EVI5: variants seen among roughly 807,000 people sequenced by gnomAD.
The protein encoded by EVI5 is ecotropic viral integration site 5.
Under a neutral mutation model 112.0 loss-of-function variants are expected in EVI5, and 73 were observed. That is an observed-to-expected ratio of 0.65 (90% CI 0.54 to 0.79). EVI5 has a LOEUF of 0.79. Ranked by LOEUF, EVI5 falls within the 30% of genes least tolerant of loss-of-function variation. The probability of loss-of-function intolerance (pLI) is 0.00; values close to 1 mark genes in which losing one functional copy is unlikely to be tolerated. For synonymous variants in EVI5, 305 were observed against 319.9 expected, an observed-to-expected ratio of 0.95 and a Z score of 0.50; for missense variants, 900 against 968.8, an observed-to-expected ratio of 0.93 and a Z score of 0.94.
At chr1:92,666,035 G>T in intron 10 of EVI5, 43 bp from the exon 11 acceptor site, 1 of 1,270,010 alleles carries the variant, frequency 7.9e-7, no homozygotes, top group Non-Finnish European at 1.1e-6. Flanking sequence ...ATTTTTGAGA[G>T]GAAAAAAAAG....
At chr1:92,661,888 A>T (rs1318377405) in intron 13 of EVI5, among the ~76,000 whole-genome samples, 1 of 152,186 alleles carries the variant, frequency 6.6e-6, no homozygotes, top group African/African-American at 2.4e-5. Flanking sequence ...TCTTCTGCTT[A>T]CTTATTACAA....
At chr1:92,725,501 A>G (rs1245971960) in intron 2 of EVI5, among the ~76,000 whole-genome samples, 1 of 152,168 alleles carries the variant, frequency 6.6e-6, no homozygotes, top group African/African-American at 2.4e-5. Flanking sequence ...CAGGTATTCA[A>G]TAAAAAATTA....
intron 1 of EVI5, 53 bp from the exon 2 acceptor site, chr1:92,736,680 C>A: frequency 9.0e-7 from 1 of 1,112,222 alleles, no homozygotes; most frequent in Non-Finnish European, 1.4e-6. Flanking sequence ...TATTCATTAC[C>A]GAGAACTTAA....
At chr1:92,781,203 T>C (rs1045374682) in intron 1 of EVI5, among the ~76,000 whole-genome samples, 41 of 152,094 alleles carry the variant, frequency 2.7e-4, no homozygotes, top group African/African-American at 9.9e-4. Flanking sequence ...CTAAATTATA[T>C]ACCTTAAATG....
chr1:92,756,785 G>A, intron 1 of EVI5: 7 of 514,324 alleles, frequency 1.4e-5, no homozygotes, highest in South Asian at 8.7e-5. Context: ...CTACAGATGT[G>A]TCCTCCTGGC....
intron 2 of EVI5, among the ~76,000 whole-genome samples, chr1:92,723,353 C>A (rs1476009523): frequency 6.6e-6 from 1 of 152,070 alleles, no homozygotes; most frequent in East Asian, 1.9e-4. Context: ...AGTCAGGGAC[C>A]CTGAACGGAG....
chr1:92,728,148 TAAAG>T (rs1320292511), intron 2 of EVI5, among the ~76,000 whole-genome samples: 2 of 151,982 alleles, frequency 1.3e-5, no homozygotes, highest in African/African-American at 4.8e-5. Context: ...TTACCAAAGA[TAAAG>T]AAGGTCATTT....
upstream of EVI5, among the ~76,000 whole-genome samples, chr1:92,787,547 T>C (rs941947116): frequency 2.8e-5 from 4 of 143,622 alleles, no homozygotes; most frequent in African/African-American, 1.0e-4. Flanking sequence ...GCCTGAGCAA[T>C]ATGGCAAAAC....
chr1:92,586,088 G>C (rs1271830305), intron 18 of EVI5, among the ~76,000 whole-genome samples: 1 of 152,152 alleles, frequency 6.6e-6, no homozygotes, highest in East Asian at 1.9e-4. Context: ...GAATACCAGA[G>C]AGGTAAAGTG....
intron 5 of EVI5, among the ~76,000 whole-genome samples, chr1:92,701,362 AG>A (rs1288465384): frequency 6.6e-6 from 1 of 152,222 alleles, no homozygotes; most frequent in Non-Finnish European, 1.5e-5. Flanking sequence ...CTAATCTGAA[AG>A]TAGATAGTAT....
chr1:92,693,604 G>A (rs1040148299), intron 9 of EVI5, among the ~76,000 whole-genome samples, 198 bp downstream of exon 9: 1 of 151,958 alleles, frequency 6.6e-6, no homozygotes, highest in Non-Finnish European at 1.5e-5. Flanking sequence ...TGGAAAAGGA[G>A]GAAAGTTTTA....
chr1:92,746,582 C>A (rs1267299138), intron 1 of EVI5, among the ~76,000 whole-genome samples: 1 of 151,884 alleles, frequency 6.6e-6, no homozygotes, highest in African/African-American at 2.4e-5. Flanking sequence ...AAAAATTAGC[C>A]GGGTGTAGTG....
chr1:92,600,872 C>T (rs1172624869), intron 18 of EVI5, among the ~76,000 whole-genome samples: 2 of 152,106 alleles, frequency 1.3e-5, no homozygotes, highest in East Asian at 3.8e-4. Context: ...GTTCCTGAAG[C>T]CATGTAAGTG....
intron 2 of EVI5, among the ~76,000 whole-genome samples, chr1:92,722,460 C>T (rs1228430455): frequency 7.0e-6 from 1 of 142,472 alleles, no homozygotes; most frequent in Non-Finnish European, 1.5e-5. Flanking sequence ...TGCTATCCTT[C>T]CCCCCTCCCC....
At chr1:92,517,920 C>G (rs1435654904) in intron 19 of EVI5, among the ~76,000 whole-genome samples, 1 of 120,556 alleles carries the variant, frequency 8.3e-6, no homozygotes, top group African/African-American at 3.3e-5. Context: ...TCGGGGGAGA[C>G]ACGGTCTGGC....
intron 18 of EVI5, among the ~76,000 whole-genome samples, chr1:92,585,267 G>C (rs1286468896): frequency 5.9e-5 from 9 of 151,330 alleles, no homozygotes; most frequent in African/African-American, 2.2e-4. Context: ...GGCTGAGTCA[G>C]GATTATTTGA....
chr1:92,640,637 T>C (rs1176739357), intron 13 of EVI5, among the ~76,000 whole-genome samples: 1 of 152,152 alleles, frequency 6.6e-6, no homozygotes, highest in Non-Finnish European at 1.5e-5. Flanking sequence ...CAGATAGGAA[T>C]GCTTTTATAG....
rs190335904 is a variant in EVI5 at position 92,524,027 on chromosome 1, G to A, written c.2167-10057C>T. ...CAGCAGGATTGCTTGAACTTGGGAG[G>A]TGGAGGTTGCAGTGAGCCGAGATAG... On this transcript the variant is annotated intron_variant, in intron 19 of 19. Coordinates refer to ENST00000684568, the MANE Select transcript of EVI5 (RefSeq NM_001350197.2). Among the ~76,000 whole-genome samples, 335 of 151,588 alleles carry A rather than the reference G, an allele frequency of 2.2e-3. 1 individual carries two copies. Among genetic ancestry groups the A allele is most frequent in the African/African-American group, 7.9e-3 (326 of 41,260 alleles).
At chr1:92,722,363 G>A (rs539124120) in intron 2 of EVI5, among the ~76,000 whole-genome samples, 66 of 151,738 alleles carry the variant, frequency 4.3e-4, no homozygotes, top group African/African-American at 1.6e-3. Context: ...TGTGCACAAC[G>A]TGCAGGTTTG....
Sources: allele counts gnomAD v4.1 joint callset (sites outside exome capture counted in the v4.1 genomes callset), GRCh38; gene constraint gnomAD v4.1.1; transcripts MANE v1.5; gene names NCBI Gene and HGNC (gene_info 2026-07-23, HGNC 2026-07-21).